Variants in RAP1GAP2 observed in about 807,000 individuals in gnomAD.
RAP1GAP2 encodes rap1 GTPase-activating protein 2.
Under a neutral mutation model 95.0 loss-of-function variants are expected in RAP1GAP2, and 27 were observed. The observed-to-expected ratio is 0.28, with a 90% CI of 0.21 to 0.39. The LOEUF (loss-of-function observed/expected upper bound fraction) is 0.39. Ranked by LOEUF, RAP1GAP2 falls within the 10% of genes least tolerant of loss-of-function variation. The pLI is 1.00. For missense variants in RAP1GAP2, 771 were observed against 970.0 expected (o/e 0.79, Z 2.72); for synonymous variants, 373 against 380.9 (o/e 0.98, Z 0.24).
intron 2 of RAP1GAP2, among the ~76,000 whole-genome samples, chr17:2,852,916 G>A (rs573721646): frequency 8.5e-4 from 129 of 152,320 alleles, no homozygotes; most frequent in African/African-American, 3.0e-3. Flanking sequence ...CCTTTCCGAA[G>A]GAGATGAGGC....
At chr17:2,921,045 T>A (rs2042749077) in intron 3 of RAP1GAP2, among the ~76,000 whole-genome samples, 1 of 152,164 alleles carries the variant, frequency 6.6e-6, no homozygotes, top group Non-Finnish European at 1.5e-5. Context: ...TCCCGCTGGC[T>A]TCTTCTCCCG....
intron 2 of RAP1GAP2, among the ~76,000 whole-genome samples, chr17:2,826,147 A>ATTTTTTTTTTTTTTTTT (rs71150901): frequency 1.8e-5 from 2 of 108,864 alleles, no homozygotes; most frequent in Non-Finnish European, 1.7e-5. Flanking sequence ...CGCCCAGCAA[A>ATTTTTTTTTTTTTTTTT]TTTTTTTTTT....
At chr17:2,943,763 A>G (rs921518017) in intron 3 of RAP1GAP2, among the ~76,000 whole-genome samples, 4 of 152,226 alleles carry the variant, frequency 2.6e-5, no homozygotes, top group Non-Finnish European at 5.9e-5. Flanking sequence ...CAAGTGGTCA[A>G]CAGGTATATG....
At position 2,876,226 on chromosome 17, in the gene RAP1GAP2, C is replaced by T. The variant is rs1305899047; in HGVS notation, c.81-29058C>T. Among the ~76,000 whole-genome samples the T allele has an allele frequency of 9.9e-5, 15 of 152,048 alleles. No individual in the cohort carries two copies. In the East Asian group the frequency reaches 1.7e-3, roughly 18 times the overall value. On this transcript the variant is annotated intron_variant, in intron 2 of 24. Transcript: ENST00000254695. ...TGCTGGGATTACAGGCATGAGCCAC[C>T]GCGCCTGGCTACATTGTTTTTATAG...
chr17:2,810,249 T>A (rs1008703493), intron 2 of RAP1GAP2, among the ~76,000 whole-genome samples: 1 of 151,998 alleles, frequency 6.6e-6, no homozygotes, highest in African/African-American at 2.4e-5. Context: ...TAATCCCCGA[T>A]GGCCTTCCCT....
In RAP1GAP2 at chr17:3,004,396, C is replaced by G. The variant is rs1364784271; in HGVS notation, c.1201-973C>G. Reference sequence around the variant, plus strand: ...CTGCCTGCTCACCCGGCCTGGCAGACTCTGCATCTGCTCCACTTCACAGGC... The same window carrying G: ...CTGCCTGCTCACCCGGCCTGGCAGAGTCTGCATCTGCTCCACTTCACAGGC... On this transcript the variant is annotated intron_variant, in intron 14 of 24. Coordinates refer to ENST00000254695, the MANE Select transcript of RAP1GAP2 (RefSeq NM_015085.5). This position sits in a 1 kb window ranked among gnomAD's most constrained non-coding sequence, Gnocchi z 4.1. Among the ~76,000 whole-genome samples, 1 of 152,258 alleles carries G rather than the reference C, an allele frequency of 6.6e-6. No individual in the cohort carries two copies. The highest frequency in any genetic ancestry group is 1.5e-5 in the Non-Finnish European group (1 of 68,040).
At chr17:3,020,051 T>A (rs2046903300) in intron 18 of RAP1GAP2, among the ~76,000 whole-genome samples, 1 of 152,080 alleles carries the variant, frequency 6.6e-6, no homozygotes, top group East Asian at 1.9e-4. Context: ...GAGTCAGGAG[T>A]CCTCACCCTG....
At chr17:2,925,523 C>T (rs554604827) in intron 3 of RAP1GAP2, among the ~76,000 whole-genome samples, 32 of 152,188 alleles carry the variant, frequency 2.1e-4, no homozygotes, top group African/African-American at 2.4e-4. Flanking sequence ...TGGGGAAAAC[C>T]GCTCCCTCGC....
intron 17 of RAP1GAP2, among the ~76,000 whole-genome samples, chr17:3,017,190 A>G (rs1428443276): frequency 6.6e-6 from 1 of 151,704 alleles, no homozygotes; most frequent in Non-Finnish European, 1.5e-5. Context: ...GTGGCTGAGT[A>G]ATCTTGGTTT....
intron 1 of RAP1GAP2, among the ~76,000 whole-genome samples, chr17:2,791,058 A>C (rs915905756): frequency 1.3e-5 from 2 of 152,240 alleles, no homozygotes; most frequent in Non-Finnish European, 2.9e-5. Flanking sequence ...TACAAAAATT[A>C]GCCAGGTGTG....
At chr17:3,031,956 G>T (rs895076488) in intron 23 of RAP1GAP2, among the ~76,000 whole-genome samples, 3 of 150,136 alleles carry the variant, frequency 2.0e-5, no homozygotes, top group African/African-American at 7.4e-5. Context: ...ATGTGAGGTG[G>T]AAGGTGCTGG....
rs867175654 is a variant in RAP1GAP2 at position 2,871,514 on chromosome 17, G to A, written c.81-33770G>A. Among the ~76,000 whole-genome samples the A allele has an allele frequency of 1.2e-4, 19 of 152,278 alleles. No individual in the cohort carries two copies. Among genetic ancestry groups the A allele is most frequent in the African/African-American group, 4.6e-4 (19 of 41,548 alleles). ...GGGGCAGTTCCCTAAAGCAGAGGTGGGGAGCTTCATTACAGAGGAGGGAGA... is the reference window on the plus strand; with the variant it reads ...GGGGCAGTTCCCTAAAGCAGAGGTGAGGAGCTTCATTACAGAGGAGGGAGA... On this transcript the variant is annotated intron_variant, in intron 2 of 24. Coordinates refer to ENST00000254695, the MANE Select transcript of RAP1GAP2 (RefSeq NM_015085.5). The surrounding 1 kb of genome is among the most constrained non-coding windows in gnomAD (Gnocchi z 5.0).
At chr17:2,860,568 A>G (rs979274294) in intron 2 of RAP1GAP2, among the ~76,000 whole-genome samples, 12 of 145,142 alleles carry the variant, frequency 8.3e-5, no homozygotes, top group Non-Finnish European at 1.5e-4. Flanking sequence ...AAAGCTCTCC[A>G]TAGACTTTCC....
intron 10 of RAP1GAP2, 21 bp from the exon 11 acceptor site, chr17:2,984,962 T>C: frequency 2.5e-6 from 4 of 1,605,848 alleles, no homozygotes; most frequent in Non-Finnish European, 3.4e-6. Context: ...TTGATTTTTT[T>C]TTTCTTGCCA....
intron 3 of RAP1GAP2, among the ~76,000 whole-genome samples, chr17:2,941,200 G>C (rs2043483757): frequency 6.6e-6 from 1 of 152,158 alleles, no homozygotes; most frequent in African/African-American, 2.4e-5. Context: ...TCAGGAGTCT[G>C]AGACCAGCCT....
chr17:2,842,983 A>G (rs1481173973), intron 2 of RAP1GAP2, among the ~76,000 whole-genome samples: 1 of 152,108 alleles, frequency 6.6e-6, no homozygotes. Flanking sequence ...AGCGTAGAGC[A>G]GACGCCATCC....
At chr17:2,884,032 G>T (rs959241544) in intron 2 of RAP1GAP2, among the ~76,000 whole-genome samples, 1 of 152,234 alleles carries the variant, frequency 6.6e-6, no homozygotes, top group Non-Finnish European at 1.5e-5. Context: ...TCTCTCCAGG[G>T]AGAGCAGGTG....
intron 2 of RAP1GAP2, among the ~76,000 whole-genome samples, chr17:2,853,641 C>CCGAGGCCGGGGCGCGGGAGG (rs1414840062): frequency 6.7e-5 from 10 of 148,660 alleles, no homozygotes; most frequent in African/African-American, 2.2e-4. Context: ...ATCCGGGCGG[C>CCGAGGCCGGGGCGCGGGAGG]CGAGGCCGGG....
chr17:2,935,193 T>A (rs1015504061), intron 3 of RAP1GAP2, among the ~76,000 whole-genome samples: 3 of 152,082 alleles, frequency 2.0e-5, no homozygotes, highest in African/African-American at 7.2e-5. Context: ...GCCTCACAGG[T>A]AGGCGTGAGG....
Sources: gnomAD v4.1 joint callset for allele counts (sites outside exome capture counted in the v4.1 genomes callset) on GRCh38, gnomAD v4.1.1 for gene constraint, Gnocchi (gnomAD v3.1) non-coding constraint, MANE v1.5 for transcripts, NCBI Gene and HGNC (gene_info 2026-07-23, HGNC 2026-07-21) for gene names.